KHDRBS2: variants seen among roughly 807,000 people sequenced by gnomAD.
KHDRBS2 encodes KH RNA binding domain containing, signal transduction associated 2, also known as KH domain-containing, RNA-binding, signal transduction-associated protein 2.
Under a neutral mutation model 44.3 loss-of-function variants are expected in KHDRBS2, and 26 were observed. That is an observed-to-expected ratio of 0.59 (90% CI 0.43 to 0.81). The LOEUF is 0.81. KHDRBS2 is among the 40% of genes least tolerant of loss of function. KHDRBS2 has a pLI of 0.00. For missense variants in KHDRBS2, 476 were observed against 433.1 expected, an observed-to-expected ratio of 1.10 and a Z score of -0.88; for synonymous variants, 194 against 151.1, an observed-to-expected ratio of 1.28 and a Z score of -2.08.
intron 3 of KHDRBS2, among the ~76,000 whole-genome samples, chr6:62,018,150 CT>C (rs969371384): frequency 5.0e-4 from 73 of 146,870 alleles, no homozygotes; most frequent in African/African-American, 1.3e-3. Flanking sequence ...AATATTACTA[CT>C]TTTTTTTTTG....
intron 1 of KHDRBS2, among the ~76,000 whole-genome samples, chr6:62,188,141 C>CTGCCCTCATGAGGGTGTT (rs1304994950): frequency 6.6e-6 from 1 of 152,016 alleles, no homozygotes; most frequent in East Asian, 1.9e-4. Context: ...CATGAGGGAT[C>CTGCCCTCATGAGGGTGTT]TGCCCTCATG....
At chr6:61,810,311 T>TG (rs1787909522) in intron 6 of KHDRBS2, among the ~76,000 whole-genome samples, 1 of 152,076 alleles carries the variant, frequency 6.6e-6, no homozygotes, top group East Asian at 1.9e-4. Flanking sequence ...GGCCCGAGGT[T>TG]GATGTGTGGT....
chr6:61,899,008 C>T (rs1803447263), intron 5 of KHDRBS2, among the ~76,000 whole-genome samples: 1 of 151,800 alleles, frequency 6.6e-6, no homozygotes, highest in African/African-American at 2.4e-5. Context: ...ACCAAACTAA[C>T]ATAAAATGTT....
intron 2 of KHDRBS2, among the ~76,000 whole-genome samples, chr6:62,151,022 G>A (rs1033146762): frequency 3.3e-5 from 5 of 151,912 alleles, no homozygotes; most frequent in South Asian, 2.1e-4. Flanking sequence ...CACCTCACCC[G>A]TCCCTACCCC....
chr6:62,123,263 G>A (rs1259460037), intron 2 of KHDRBS2, among the ~76,000 whole-genome samples: 1 of 152,132 alleles, frequency 6.6e-6, no homozygotes, highest in Non-Finnish European at 1.5e-5. Context: ...ATTCCATGGT[G>A]TATATGTGCC....
intron 6 of KHDRBS2, among the ~76,000 whole-genome samples, chr6:61,771,952 G>A (rs1780992693): frequency 6.6e-6 from 1 of 152,102 alleles, no homozygotes; most frequent in African/African-American, 2.4e-5. Context: ...GCACTCTTCA[G>A]CAAATGTAAA....
intron 7 of KHDRBS2, among the ~76,000 whole-genome samples, chr6:61,715,964 A>AT (rs1284809484): frequency 6.7e-5 from 7 of 104,810 alleles, no homozygotes; most frequent in Admixed American, 6.6e-4. Flanking sequence ...AGCAGGTTAT[A>AT]TTTTTTTAAA....
chr6:61,854,129 T>A (rs1357724556), intron 6 of KHDRBS2, among the ~76,000 whole-genome samples: 1 of 105,504 alleles, frequency 9.5e-6, no homozygotes, highest in Non-Finnish European at 2.1e-5. Context: ...TAAAGAATTC[T>A]GAAAATTTTG....
chr6:61,545,453 G>T, the KHDRBS2 span, among the ~76,000 whole-genome samples: 2 of 151,768 alleles, frequency 1.3e-5, no homozygotes, highest in African/African-American at 2.4e-5. Flanking sequence ...GTGAAGGAAG[G>T]TGGAGGGGAT....
chr6:62,254,275 C>T (rs1415221688), intron 1 of KHDRBS2, among the ~76,000 whole-genome samples: 2 of 152,018 alleles, frequency 1.3e-5, no homozygotes, highest in Admixed American at 1.3e-4. Context: ...TGTAACCTTG[C>T]TAAACTGTAC....
intron 4 of KHDRBS2, among the ~76,000 whole-genome samples, chr6:61,957,092 C>T (rs570415328): frequency 6.6e-6 from 1 of 152,298 alleles, no homozygotes; most frequent in South Asian, 2.1e-4. Flanking sequence ...AATCTCTGAA[C>T]ATAAATTGTG....
Position 62,037,985 on chromosome 6 carries a change from AG to A in KHDRBS2, c.336+9892del, listed in dbSNP as rs1785650626. ...AGTGATTTCTAATATTTAGATATTA[AG>A]CAAAAATACATAAATGTGTTTCCTT... On this transcript the variant is annotated intron_variant, in intron 3 of 8. Transcript: ENST00000281156. Among the ~76,000 whole-genome samples the A allele has an allele frequency of 2.6e-5, 4 of 152,198 alleles. No homozygotes were observed. In the South Asian group the frequency reaches 8.3e-4, roughly 32 times the overall value.
Position 61,894,671 on chromosome 6 carries a change from T to C in KHDRBS2, c.774A>G (p.Ala258=), listed in dbSNP as rs1379636486. 10 of 1,612,730 alleles carry C rather than the reference T, an allele frequency of 6.2e-6. No individual in the cohort carries two copies. In the African/African-American group the frequency reaches 1.2e-4, roughly 19 times the overall value. Residue 258 remains alanine (A), a synonymous_variant, in exon 6 of 9, where the codon GCA becomes GCG. Transcript: ENST00000281156. ...AAGCTTCATGGGCTGGAGGAGGAGG[T>C]GCCCTGTATCCTGGCACTGTTGGTG... ...RGAPTVPGYR[A]PPPPAHEAYE...
At chr6:61,974,328 G>C (rs1186903333) in intron 4 of KHDRBS2, among the ~76,000 whole-genome samples, 1 of 152,014 alleles carries the variant, frequency 6.6e-6, no homozygotes, top group Non-Finnish European at 1.5e-5. Context: ...GGCAATCCTG[G>C]TGTCTGAACT....
intron 4 of KHDRBS2, among the ~76,000 whole-genome samples, chr6:61,938,487 A>G (rs1216323879): frequency 6.6e-6 from 1 of 152,032 alleles, no homozygotes; most frequent in Non-Finnish European, 1.5e-5. Flanking sequence ...AAAGTACTTT[A>G]TTTTTCAGAT....
chr6:61,562,318 C>T, the KHDRBS2 span, among the ~76,000 whole-genome samples: 1 of 152,102 alleles, frequency 6.6e-6, no homozygotes, highest in Non-Finnish European at 1.5e-5. Context: ...AGTTATGCAA[C>T]CAAGAGTTTC....
rs1471837529 is a variant in KHDRBS2, at chr6:62,286,160, C to A, written c.-212G>T. The A allele has an allele frequency of 3.6e-6, 2 of 552,540 alleles. No homozygotes were observed. The highest frequency in any genetic ancestry group is 6.3e-6 in the Non-Finnish European group (2 of 317,110). 34.2% of individuals were successfully genotyped at this position (552,540 alleles called of 1,614,324 possible). ...GCCCACACCTGCCCGTCCCTTCCGT[C>A]GTCCCTCGCTCGCGCAGAGCCCCGG... On this transcript the variant is annotated 5_prime_UTR_variant, in exon 1 of 9. Coordinates refer to ENST00000281156, the MANE Select transcript of KHDRBS2 (RefSeq NM_152688.4).
chr6:62,101,585 G>A (rs1403051897), intron 2 of KHDRBS2, among the ~76,000 whole-genome samples: 1 of 152,164 alleles, frequency 6.6e-6, no homozygotes, highest in Non-Finnish European at 1.5e-5. Flanking sequence ...AAGAATAGTA[G>A]GATTCTGGAT....
chr6:62,107,877 A>T (rs1189035231), intron 2 of KHDRBS2, among the ~76,000 whole-genome samples: 1 of 152,194 alleles, frequency 6.6e-6, no homozygotes, highest in Admixed American at 6.5e-5. Flanking sequence ...GTGCTGGGAA[A>T]ACTTGTTAGC....
Sources: gnomAD v4.1 joint callset for allele counts (sites outside exome capture counted in the v4.1 genomes callset) on GRCh38, gnomAD v4.1.1 for gene constraint, MANE v1.5 for transcripts, NCBI Gene and HGNC (gene_info 2026-07-23, HGNC 2026-07-21) for gene names.